Variants in ISOC1 observed in about 807,000 individuals in gnomAD.
The protein encoded by ISOC1 is isochorismatase domain-containing protein 1.
Under a neutral mutation model 30.0 loss-of-function variants are expected in ISOC1, and 33 were observed. The observed-to-expected ratio is 1.10, with a 90% CI of 0.83 to 1.47. ISOC1 has a LOEUF of 1.47. Among genes scored for constraint, ISOC1 ranks in the 40% most tolerant of loss-of-function variants. The probability of loss-of-function intolerance (pLI) is 0.00; values close to 1 mark genes in which losing one functional copy is unlikely to be tolerated. For synonymous variants in ISOC1, 178 were observed against 159.8 expected, an observed-to-expected ratio of 1.11 and a Z score of -0.86; for missense variants, 372 against 388.0, an observed-to-expected ratio of 0.96 and a Z score of 0.35.
At position 129,106,629 on chromosome 5, in the gene ISOC1, A is replaced by G. The variant is rs556646949; in HGVS notation, c.634-317A>G. 3.5e-4 allele frequency among the ~76,000 whole-genome samples: 53 copies of G among 152,330 alleles called. 1 individual carries two copies. In the South Asian group the frequency reaches 0.01, roughly 29 times the overall value. ...CACCAAAACTGAGTGCTAGTAAATC[A>G]GCTATGTGAAGGTCATCCAGATCAC... is the stretch of plus-strand genomic sequence containing the variant. On this transcript the variant is annotated intron_variant, in intron 3 of 4. Transcript: ENST00000173527.
At chr5:129,099,976 T>C (rs1753550147) in intron 1 of ISOC1, among the ~76,000 whole-genome samples, 1 of 152,210 alleles carries the variant, frequency 6.6e-6, no homozygotes, top group Admixed American at 6.5e-5. Flanking sequence ...CTACTGAGGC[T>C]TGTGCTATAA....
In ISOC1 at chr5:129,113,256, A is replaced by G. The variant is rs1753734228; in HGVS notation, c.*255A>G. The G allele has an allele frequency of 3.0e-6, 1 of 332,596 alleles. No homozygotes were observed. Among genetic ancestry groups the G allele is most frequent in the Middle Eastern group, 7.9e-4 (1 of 1,258 alleles). The allele number at this position is 332,596 out of a possible 1,614,324, so 20.6% of individuals were successfully genotyped here. ...GCTTTTATTTATTAAAAAAAATTAC[A>G]ATGAAGATGCCTGTTTTGTCTCTAC... is the stretch of plus-strand genomic sequence containing the variant. On this transcript the variant is annotated 3_prime_UTR_variant, in exon 5 of 5. Coordinates refer to ENST00000173527, the MANE Select transcript of ISOC1 (RefSeq NM_016048.2).
intron 1 of ISOC1, among the ~76,000 whole-genome samples, chr5:129,099,443 A>G (rs1371301807): frequency 6.6e-6 from 1 of 152,238 alleles, no homozygotes; most frequent in African/African-American, 2.4e-5. Flanking sequence ...ATCAATGTTC[A>G]CAATAGGTGA....
intron 4 of ISOC1, among the ~76,000 whole-genome samples, chr5:129,107,789 A>G (rs1753657046): frequency 2.6e-5 from 4 of 152,128 alleles, no homozygotes; most frequent in Non-Finnish European, 5.9e-5. Context: ...GTGGTGTGTC[A>G]TTGACTGTGG....
chr5:129,113,002 G>A lies in ISOC1; in HGVS notation c.*1G>A. ...GTCGGGTCTGCTTTCCAAAGTATAG[G>A]ACATTTGAAGAACTGGTATGCTACT... On this transcript the variant is annotated 3_prime_UTR_variant, in exon 5 of 5. Coordinates refer to ENST00000173527, the MANE Select transcript of ISOC1 (RefSeq NM_016048.2). 1 of 1,610,346 alleles carries A rather than the reference G, an allele frequency of 6.2e-7. No individual in the cohort carries two copies. The highest frequency in any genetic ancestry group is 8.5e-7 in the Non-Finnish European group (1 of 1,178,180).
At position 129,107,056 on chromosome 5, in the gene ISOC1, C is replaced by G. The variant is rs1335401133; in HGVS notation, c.744C>G (p.Ala248=). 1 of 1,612,204 alleles carries G rather than the reference C, an allele frequency of 6.2e-7. No homozygotes were observed. The highest frequency in any genetic ancestry group is 1.1e-5 in the South Asian group (1 of 91,034). ...GAAGCATGATGGACAGGATGTTTGC[C>G]CTCGAGGTAATTGTCCTGCTTGGGA... ...SSRSMMDRMF[A]LERLARTGII... is the part of the protein sequence containing the mutation. The change falls in exon 4 of 5, where the codon GCC becomes GCG. Residue 248 remains alanine, a synonymous_variant. Transcript: ENST00000173527.
At position 129,094,799 on chromosome 5, in the gene ISOC1, C is replaced by A. The variant is rs748055598; in HGVS notation, c.33C>A (p.Leu11=). ...CTGCGGAGCCGGCGGTCCTTGCGCT[C>A]CCCAACAGCGGCGCCGGGGGCGCGG... MAAAEPAVLA[L]PNSGAGGAGA... is the part of the protein sequence containing the mutation. The change falls in exon 1 of 5, where the codon CTC becomes CTA. Residue 11 remains leucine, a synonymous_variant. Transcript: ENST00000173527. 31 of 1,531,986 alleles carry A rather than the reference C, an allele frequency of 2.0e-5. No homozygotes were observed. The South Asian group carries it at 3.6e-4, about 18-fold the overall frequency. 94.9% of individuals were successfully genotyped at this position (1,531,986 alleles called of 1,614,324 possible).
Position 129,094,758 on chromosome 5 carries a change from C to T in ISOC1, c.-9C>T, listed in dbSNP as rs1178915287. The T allele has an allele frequency of 5.4e-6, 8 of 1,469,332 alleles. No homozygotes were observed. Among genetic ancestry groups the T allele is most frequent in the Admixed American group, 2.3e-5 (1 of 43,246 alleles). 91.0% of individuals were successfully genotyped at this position (1,469,332 alleles called of 1,614,324 possible). On this transcript the variant is annotated 5_prime_UTR_variant, in exon 1 of 5. Coordinates refer to ENST00000173527, the MANE Select transcript of ISOC1 (RefSeq NM_016048.2). ...GGCGGCCTCGGAGCTCGCAGACGCT[C>T]GGGGGAACATGGCGGCTGCGGAGCC...
At chr5:129,101,562 T>A in intron 1 of ISOC1, among the ~76,000 whole-genome samples, 1 of 152,194 alleles carries the variant, frequency 6.6e-6, no homozygotes, top group East Asian at 1.9e-4. Flanking sequence ...ATCCTGGGCT[T>A]AAGTGATCCT....
chr5:129,112,965 G>A lies in ISOC1; in HGVS notation c.861G>A (p.Ala287=), dbSNP rs749380537. 5.9e-5 allele frequency: 96 copies of A among 1,613,480 alleles called. No homozygotes were observed. The Admixed American group carries it at 1.4e-3, about 24-fold the overall frequency. The change falls in exon 5 of 5, where the codon GCG becomes GCA. Residue 287 remains alanine, a synonymous_variant. Transcript: ENST00000173527. ...AGGAAATTCAGAATCTAATTAAGGC[G>A]AGTGCTCCAGAGTCGGGTCTGCTTT... is the stretch of plus-strand genomic sequence containing the variant. ...KFKEIQNLIK[A]SAPESGLLSK... is the part of the protein sequence containing the mutation.
chr5:129,104,542 T>C (rs1196122736), intron 1 of ISOC1, among the ~76,000 whole-genome samples: 12 of 152,176 alleles, frequency 7.9e-5, no homozygotes, highest in Admixed American at 7.2e-4. Flanking sequence ...TATTGTAATG[T>C]ACTACTACTT....
intron 4 of ISOC1, among the ~76,000 whole-genome samples, chr5:129,111,063 C>G (rs1753700874): frequency 1.3e-5 from 2 of 152,126 alleles, no homozygotes; most frequent in Admixed American, 1.3e-4. Flanking sequence ...TATTTATTAT[C>G]TGCCTTTCTG....
chr5:129,110,716 C>A (rs1050253845), intron 4 of ISOC1, among the ~76,000 whole-genome samples: 2 of 152,192 alleles, frequency 1.3e-5, no homozygotes, highest in Admixed American at 6.5e-5. Context: ...CTAGGGAGTG[C>A]TGGGCATTGT....
chr5:129,101,444 G>A (rs1424912422), intron 1 of ISOC1, among the ~76,000 whole-genome samples: 2 of 151,722 alleles, frequency 1.3e-5, no homozygotes, highest in South Asian at 2.1e-4. Flanking sequence ...GCAATGAGTC[G>A]AGATCACGCC....
intron 1 of ISOC1, among the ~76,000 whole-genome samples, chr5:129,100,944 A>T (rs1308005661): frequency 1.3e-5 from 2 of 150,858 alleles, no homozygotes; most frequent in Non-Finnish European, 2.9e-5. Flanking sequence ...ATTTTAGAAT[A>T]GCTTTAGATT....
intron 4 of ISOC1, 112 bp from the exon 5 acceptor site, chr5:129,112,743 C>T: frequency 8.4e-7 from 1 of 1,193,110 alleles, no homozygotes; most frequent in South Asian, 1.5e-5. Context: ...GGCTGGGAAC[C>T]ACGGTTTCAG....
intron 4 of ISOC1, among the ~76,000 whole-genome samples, chr5:129,112,638 G>A (rs1210473180): frequency 1.3e-5 from 2 of 151,574 alleles, no homozygotes; most frequent in East Asian, 1.9e-4. Context: ...CCTTTTACTC[G>A]TTCTACTCCA....
intron 3 of ISOC1, among the ~76,000 whole-genome samples, chr5:129,105,975 A>G (rs1026752537): frequency 6.6e-5 from 10 of 152,246 alleles, no homozygotes; most frequent in Non-Finnish European, 1.2e-4. Flanking sequence ...CAAAATATTA[A>G]TTTAATGTGA....
chr5:129,106,412 A>G (rs187937892), intron 3 of ISOC1, among the ~76,000 whole-genome samples: 1 of 152,344 alleles, frequency 6.6e-6, no homozygotes, highest in East Asian at 1.9e-4. Context: ...TGGAATCTGT[A>G]TAATACATTT....
Sources: gnomAD v4.1 joint callset for allele counts (sites outside exome capture counted in the v4.1 genomes callset) on GRCh38, gnomAD v4.1.1 for gene constraint, MANE v1.5 for transcripts, NCBI Gene and HGNC (gene_info 2026-07-23, HGNC 2026-07-21) for gene names.